The following KCNH7 variants were observed in gnomAD, a reference collection of about 807,000 sequenced individuals.
The protein encoded by KCNH7 is voltage-gated inwardly rectifying potassium channel KCNH7.
KCNH7 carries 49 observed loss-of-function variants against 120.8 expected under a neutral mutation model. That is an observed-to-expected ratio of 0.41 (90% confidence interval 0.32 to 0.51). The LOEUF (loss-of-function observed/expected upper bound fraction) is 0.51. KCNH7 is among the 20% of genes least tolerant of loss of function. KCNH7 has a pLI of 0.38. For missense variants in KCNH7, 1,097 were observed against 1,446.6 expected, an observed-to-expected ratio of 0.76 and a Z score of 3.92; for synonymous variants, 547 against 516.1, an observed-to-expected ratio of 1.06 and a Z score of -0.81.
chr2:162,795,239 C>T (rs143057664), intron 2 of KCNH7, among the ~76,000 whole-genome samples: 8 of 151,988 alleles, frequency 5.3e-5, no homozygotes, highest in African/African-American at 1.7e-4. Context: ...TTATCATTAC[C>T]AAATTCAGCG....
intron 2 of KCNH7, among the ~76,000 whole-genome samples, chr2:162,787,049 C>A (rs1683734685): frequency 6.6e-6 from 1 of 152,212 alleles, no homozygotes; most frequent in Non-Finnish European, 1.5e-5. Context: ...ATGGATCGAG[C>A]AATGAGTTCA....
At chr2:162,775,363 A>G (rs1683196622) in intron 2 of KCNH7, among the ~76,000 whole-genome samples, 1 of 152,160 alleles carries the variant, frequency 6.6e-6, no homozygotes, top group Non-Finnish European at 1.5e-5. Flanking sequence ...TTGTTGCACA[A>G]AATACTTTCC....
At chr2:162,643,804 CAAAA>C (rs781089376) in intron 2 of KCNH7, among the ~76,000 whole-genome samples, 5,665 of 89,852 alleles carry the variant, frequency 0.063, 141 homozygotes, top group East Asian at 0.2. Flanking sequence ...GACTCTATCT[CAAAA>C]AAAAAAAAAA....
At chr2:162,577,228 A>G (rs888280173) in intron 2 of KCNH7, among the ~76,000 whole-genome samples, 13 of 151,788 alleles carry the variant, frequency 8.6e-5, no homozygotes, top group Non-Finnish European at 1.6e-4. Context: ...CTTTCCCTGA[A>G]ATTTCTCTCT....
chr2:162,533,043 C>T (rs1049553160), intron 3 of KCNH7, among the ~76,000 whole-genome samples: 6 of 151,268 alleles, frequency 4.0e-5, no homozygotes, highest in South Asian at 2.1e-4. Flanking sequence ...AGGTTTTTGC[C>T]GTAATAATTT....
intron 9 of KCNH7, among the ~76,000 whole-genome samples, chr2:162,420,690 G>A (rs1687675135): frequency 6.6e-6 from 1 of 152,130 alleles, no homozygotes; most frequent in African/African-American, 2.4e-5. Context: ...TTAATACAGT[G>A]TGATTGAATA....
rs529224242 is a variant in KCNH7, at chr2:162,483,122, C to T, written c.1128+21321G>A. Reference sequence around the variant, plus strand: ...TTGCAAAGTATATTCCTGATTTTAACGTATCCTAAAACTTCACTTTTGAAT... The same window carrying T: ...TTGCAAAGTATATTCCTGATTTTAATGTATCCTAAAACTTCACTTTTGAAT... On this transcript the variant is annotated intron_variant, in intron 6 of 15. Coordinates refer to ENST00000332142, the MANE Select transcript of KCNH7 (RefSeq NM_033272.4). Among the ~76,000 whole-genome samples, 47 of 152,236 alleles carry T rather than the reference C, an allele frequency of 3.1e-4. 1 individual carries two copies. The highest frequency in any genetic ancestry group is 9.1e-4 in the African/African-American group (38 of 41,556).
At position 162,577,692 on chromosome 2, in the gene KCNH7, T is replaced by C. The variant is rs16846950; in HGVS notation, c.308-40612A>G. 5.2e-3 allele frequency among the ~76,000 whole-genome samples: 783 copies of C among 152,022 alleles called. 10 individuals carry two copies. Among genetic ancestry groups the C allele is most frequent in the African/African-American group, 0.018 (746 of 41,476 alleles). ...CCTCACAGAGTCATACCAACCTAGA[T>C]GAGGAAGATTCAAGGGAGAGTACTT... On this transcript the variant is annotated intron_variant, in intron 2 of 15. Transcript: ENST00000332142.
chr2:162,510,801 T>G (rs544944930), intron 5 of KCNH7, among the ~76,000 whole-genome samples: 1 of 151,730 alleles, frequency 6.6e-6, no homozygotes, highest in Non-Finnish European at 1.5e-5. Context: ...TAATTAGCAA[T>G]GTTAATGGCT....
At chr2:162,780,508 T>A (rs1402366210) in intron 2 of KCNH7, among the ~76,000 whole-genome samples, 1 of 152,158 alleles carries the variant, frequency 6.6e-6, no homozygotes, top group Non-Finnish European at 1.5e-5. Flanking sequence ...ATCCTTGAGT[T>A]CTAAGGGTAG....
chr2:162,602,773 A>C (rs1694600231), intron 2 of KCNH7, among the ~76,000 whole-genome samples: 2 of 152,004 alleles, frequency 1.3e-5, no homozygotes, highest in Non-Finnish European at 2.9e-5. Context: ...AACAGAGGCC[A>C]GTAAAGGGGA....
In KCNH7 at chr2:162,502,741, A is replaced by C. The variant is rs145511568; in HGVS notation, c.1128+1702T>G. Among the ~76,000 whole-genome samples the C allele has an allele frequency of 2.2e-4, 33 of 152,104 alleles. 1 individual carries two copies. Among genetic ancestry groups the C allele is most frequent in the African/African-American group, 7.7e-4 (32 of 41,528 alleles). On this transcript the variant is annotated intron_variant, in intron 6 of 15. Coordinates refer to ENST00000332142, the MANE Select transcript of KCNH7 (RefSeq NM_033272.4). The stretch of plus-strand genomic sequence containing the variant: ...ATGCTTCCTGTCCCACTATCTGAGA[A>C]AGCCCCCAGAGCAGGTGCTTCTCAG...
chr2:162,733,000 C>T (rs1009309585), intron 2 of KCNH7, among the ~76,000 whole-genome samples: 7 of 152,150 alleles, frequency 4.6e-5, no homozygotes, highest in Non-Finnish European at 7.4e-5. Flanking sequence ...GAGCTTGTCT[C>T]GAAAATTTGG....
At chr2:162,389,484 G>C (rs180916117) in intron 12 of KCNH7, among the ~76,000 whole-genome samples, 1 of 151,986 alleles carries the variant, frequency 6.6e-6, no homozygotes, top group South Asian at 2.1e-4. Flanking sequence ...GCAGGAAAAG[G>C]TATAGAGAAG....
intron 2 of KCNH7, among the ~76,000 whole-genome samples, chr2:162,813,749 T>C (rs935404245): frequency 6.6e-6 from 1 of 152,212 alleles, no homozygotes; most frequent in Non-Finnish European, 1.5e-5. Context: ...CTAGCTTTAT[T>C]TAGGATTAGA....
intron 2 of KCNH7, among the ~76,000 whole-genome samples, chr2:162,586,761 G>A (rs964414706): frequency 6.7e-6 from 1 of 149,474 alleles, no homozygotes; most frequent in Admixed American, 6.7e-5. Context: ...ATTAGAAATA[G>A]TGCAAAATAT....
chr2:162,428,557 AT>A (rs1392000041), intron 8 of KCNH7, among the ~76,000 whole-genome samples: 1 of 151,886 alleles, frequency 6.6e-6, no homozygotes, highest in Non-Finnish European at 1.5e-5. Flanking sequence ...TGTTAGTATT[AT>A]TTAAGTTTTC....
At chr2:162,578,744 A>T (rs1385122877) in intron 2 of KCNH7, among the ~76,000 whole-genome samples, 1 of 152,076 alleles carries the variant, frequency 6.6e-6, no homozygotes, top group Non-Finnish European at 1.5e-5. Context: ...AATGCAAAGG[A>T]GAAAAGTAAT....
At chr2:162,752,998 GAAAAGAAAAGAAAAGAAAA>G (rs1688648520) in intron 2 of KCNH7, among the ~76,000 whole-genome samples, 1 of 140,242 alleles carries the variant, frequency 7.1e-6, no homozygotes. Context: ...GAAAAGAAAA[GAAAAGAAAAGAAAAGAAAA>G]GAAAAGAAAA....
Sources: allele counts gnomAD v4.1 joint callset (sites outside exome capture counted in the v4.1 genomes callset), GRCh38; gene constraint gnomAD v4.1.1; transcripts MANE v1.5; gene names NCBI Gene and HGNC (gene_info 2026-07-23, HGNC 2026-07-21).